KANSL1: variants seen among roughly 807,000 people sequenced by gnomAD.
KANSL1 encodes the protein MLL1/MLL complex subunit KANSL1.
A neutral mutation model predicts 103.6 loss-of-function variants in KANSL1; 22 were observed. The ratio of observed to expected loss-of-function variants is 0.21; its 90% confidence interval spans 0.15 to 0.30. KANSL1 has a LOEUF of 0.30. Ranked by LOEUF, KANSL1 falls within the 10% of genes least tolerant of loss-of-function variation. KANSL1 has a pLI of 1.00. For synonymous variants in KANSL1, 600 were observed against 527.6 expected (o/e 1.14, Z -1.88); for missense variants, 1,337 against 1,399.8 (o/e 0.96, Z 0.72).
rs1384998413 is a variant in KANSL1, at chr17:46,066,573, A to C, written c.1812T>G (p.Leu604=). ...GAGGAACGATGCTGTTGGGTCGAAC[A>C]AGCCTCCGCTTCTTACAGCTCAGTA... ...RPVLSCKKRR[L]VRPNSIVPLS... is the part of the protein sequence containing the mutation. The change falls in exon 6 of 15, where the codon CTT becomes CTG. Residue 604 remains leucine, a synonymous_variant. Coordinates refer to ENST00000432791, the MANE Select transcript of KANSL1 (RefSeq NM_015443.4). 1 of 1,613,636 alleles carries C rather than the reference A, an allele frequency of 6.2e-7. No homozygotes were observed. The highest frequency in any genetic ancestry group is 1.3e-5 in the African/African-American group (1 of 74,906).
upstream of KANSL1, chr17:46,193,525 A>G (rs1000581583): frequency 6.9e-6 from 1 of 145,130 alleles, no homozygotes; most frequent in East Asian, 2.1e-4. Context: ...GGGCCGCTCC[A>G]CCCCGGCGCG....
chr17:46,073,733 T>C (rs141625004), intron 4 of KANSL1, among the ~76,000 whole-genome samples: 2 of 152,194 alleles, frequency 1.3e-5, no homozygotes, highest in East Asian at 1.9e-4. Context: ...TACTGAAAGA[T>C]TTGGTGGAAG....
chr17:46,161,286 A>G (rs1035424102), intron 2 of KANSL1, among the ~76,000 whole-genome samples: 2 of 150,358 alleles, frequency 1.3e-5, no homozygotes, highest in Non-Finnish European at 3.0e-5. Flanking sequence ...AATACAAAAA[A>G]TTAGCCGGGT....
chr17:46,154,587 C>T (rs2045313216), intron 2 of KANSL1, among the ~76,000 whole-genome samples: 1 of 152,148 alleles, frequency 6.6e-6, no homozygotes. Context: ...CGGGCTCTCA[C>T]CACAATTATA....
chr17:46,046,479 A>G (rs935163496), intron 7 of KANSL1, among the ~76,000 whole-genome samples: 2 of 147,256 alleles, frequency 1.4e-5, no homozygotes, highest in South Asian at 4.4e-4. Flanking sequence ...GCAATGAGCC[A>G]AAAACCACAC....
At chr17:46,093,705 C>T (rs1289985630) in intron 3 of KANSL1, 3 of 152,412 alleles carry the variant, frequency 2.0e-5, no homozygotes, top group African/African-American at 7.2e-5. Context: ...TTGACTAGTA[C>T]TAAGGTCAAA....
At position 46,084,660 on chromosome 17, in the gene KANSL1, C is replaced by A. The variant is rs2079097784; in HGVS notation, c.1432-2118G>T. Among the ~76,000 whole-genome samples, 3 of 121,604 alleles carry A rather than the reference C, an allele frequency of 2.5e-5. No individual in the cohort carries two copies. The South Asian group carries it at 7.5e-4, about 30-fold the overall frequency. 79.8% of individuals were successfully genotyped at this position (121,604 alleles called of 152,430 possible). A position where few individuals can be genotyped will look rare whatever the true frequency, so the allele number is the denominator to read the frequency against. ...CTGTGCCATTGCACTCCAGTCTGGG[C>A]AACGAGAGCGAAACTCCACCTCAAA... On this transcript the variant is annotated intron_variant, in intron 3 of 14. Transcript: ENST00000432791.
At chr17:46,038,717 C>T in intron 9 of KANSL1, 31 bp from the exon 10 acceptor site, 5 of 1,612,860 alleles carry the variant, frequency 3.1e-6, no homozygotes, top group East Asian at 2.2e-5. Context: ...GAGAGAAATA[C>T]ATGGCTATCT....
intron 7 of KANSL1, among the ~76,000 whole-genome samples, chr17:46,046,875 CATATGAGACAA>C (rs1251305047): frequency 1.3e-5 from 2 of 149,386 alleles, no homozygotes; most frequent in Non-Finnish European, 3.0e-5. Context: ...TTGAAAGCAG[CATATGAGACAA>C]ATATGAGAAG....
chr17:46,111,588 G>A (rs1316719606), intron 2 of KANSL1, among the ~76,000 whole-genome samples: 2 of 152,150 alleles, frequency 1.3e-5, no homozygotes, highest in African/African-American at 4.8e-5. Flanking sequence ...CAATAGATAC[G>A]GATGGTATTT....
intron 8 of KANSL1, 74 bp from the exon 9 acceptor site, chr17:46,039,289 C>T (rs576197231): frequency 1.2e-5 from 17 of 1,397,452 alleles, no homozygotes; most frequent in East Asian, 4.8e-5. Context: ...TCCAAGCTCT[C>T]GAGTTCTCTC....
chr17:46,056,030 G>A (rs62060762), intron 6 of KANSL1, among the ~76,000 whole-genome samples: 21,733 of 151,860 alleles, frequency 0.14, 2,099 homozygotes, highest in Non-Finnish European at 0.22. Flanking sequence ...ACAGAGTCTC[G>A]CTCTGTTGCC....
chr17:46,143,117 G>T (rs894233776), intron 2 of KANSL1, among the ~76,000 whole-genome samples: 11 of 152,162 alleles, frequency 7.2e-5, no homozygotes, highest in African/African-American at 2.4e-4. Flanking sequence ...CTCAAACTAA[G>T]AAGTCCTCAA....
intron 6 of KANSL1, among the ~76,000 whole-genome samples, chr17:46,051,502 A>G (rs2077710108): frequency 1.3e-5 from 2 of 152,226 alleles, no homozygotes; most frequent in Admixed American, 1.3e-4. Context: ...AAAAGATTGA[A>G]TTCTGTATAA....
Position 46,031,939 on chromosome 17 carries a change from C to T in KANSL1, c.3090+108G>A, listed in dbSNP as rs960334422. 8.8e-5 allele frequency: 131 copies of T among 1,488,808 alleles called. 2 individuals are homozygous for T. The highest frequency in any genetic ancestry group is 1.0e-4 in the Non-Finnish European group (110 of 1,083,430). 92.2% of individuals were successfully genotyped at this position (1,488,808 alleles called of 1,614,324 possible). ...GATCAATTTAAGTGCAGCCCTTTGT[C>T]CCTTCAAAAGGGGGAGGGGATGGCT... On this transcript the variant is annotated intron_variant, in intron 14 of 14. Coordinates refer to ENST00000432791, the MANE Select transcript of KANSL1 (RefSeq NM_015443.4).
intron 2 of KANSL1, among the ~76,000 whole-genome samples, chr17:46,150,861 T>C (rs534097073): frequency 1.3e-5 from 2 of 151,342 alleles, no homozygotes; most frequent in African/African-American, 2.4e-5. Context: ...TAAATTATTA[T>C]GCATTATGGC....
intron 4 of KANSL1, among the ~76,000 whole-genome samples, chr17:46,071,121 G>A (rs2078561673): frequency 1.3e-5 from 2 of 152,174 alleles, no homozygotes; most frequent in Non-Finnish European, 2.9e-5. Context: ...TAACATGAAT[G>A]TTATTGATTT....
Position 46,127,725 on chromosome 17 carries a change from C to T in KANSL1, c.1290-33024G>A, listed in dbSNP as rs143450952. Among the ~76,000 whole-genome samples the T allele has an allele frequency of 3.7e-3, 563 of 152,074 alleles. 1 individual carries two copies. Among genetic ancestry groups the T allele is most frequent in the Middle Eastern group, 0.017 (5 of 294 alleles). On this transcript the variant is annotated intron_variant, in intron 2 of 14. Coordinates refer to ENST00000432791, the MANE Select transcript of KANSL1 (RefSeq NM_015443.4). ...CCCAGGACAGCAAGGGTGCAGTGAG[C>T]CGAGATTGCACCAATGCACTCCAGC...
intron 1 of KANSL1, among the ~76,000 whole-genome samples, chr17:46,192,137 A>G (rs933870194): frequency 6.6e-6 from 1 of 152,200 alleles, no homozygotes; most frequent in Non-Finnish European, 1.5e-5. Flanking sequence ...TGGGATTCCA[A>G]CATTGGAAAA....
Sources: allele counts gnomAD v4.1 joint callset (sites outside exome capture counted in the v4.1 genomes callset), GRCh38; gene constraint gnomAD v4.1.1; transcripts MANE v1.5; gene names NCBI Gene and HGNC (gene_info 2026-07-23, HGNC 2026-07-21).